The following PDE8B variants were observed in gnomAD, a reference collection of about 807,000 sequenced individuals.
PDE8B encodes high affinity cAMP-specific and IBMX-insensitive 3',5'-cyclic phosphodiesterase 8B.
PDE8B carries 26 observed loss-of-function variants against 101.3 expected under a neutral mutation model. The observed-to-expected ratio is 0.26, with a 90% confidence interval of 0.19 to 0.36. The LOEUF (loss-of-function observed/expected upper bound fraction) is 0.36. PDE8B is among the 10% of genes least tolerant of loss of function. The pLI is 1.00. For synonymous variants in PDE8B, 424 were observed against 429.3 expected, an observed-to-expected ratio of 0.99 and a Z score of 0.15; for missense variants, 810 against 1,163.1, an observed-to-expected ratio of 0.70 and a Z score of 4.42.
intron 1 of PDE8B, among the ~76,000 whole-genome samples, chr5:77,245,839 T>TCCACCCCCCC (rs1756766321): frequency 1.6e-4 from 1 of 6,078 alleles, no homozygotes; most frequent in African/African-American, 4.1e-4. Context: ...TATAACCTCC[T>TCCACCCCCCC]CCCCCCCCCG....
chr5:77,252,234 A>G (rs1423812391), intron 1 of PDE8B, among the ~76,000 whole-genome samples: 3 of 152,220 alleles, frequency 2.0e-5, no homozygotes, highest in Non-Finnish European at 2.9e-5. Context: ...CCTTTGGGGC[A>G]CAGATGAATC....
At chr5:77,139,230 G>A in the PDE8B span, 1 of 152,266 alleles carries the variant, frequency 6.6e-6, no homozygotes, top group Non-Finnish European at 1.5e-5. Context: ...CTGGACTGAG[G>A]CTCCTTCTCT....
At chr5:77,254,597 T>G (rs1758731964) in intron 1 of PDE8B, among the ~76,000 whole-genome samples, 1 of 152,216 alleles carries the variant, frequency 6.6e-6, no homozygotes, top group Non-Finnish European at 1.5e-5. Context: ...TTTTGTCTTT[T>G]TTTTTCATTT....
chr5:77,317,991 G>A (rs1774135243), intron 2 of PDE8B, among the ~76,000 whole-genome samples: 2 of 146,904 alleles, frequency 1.4e-5, no homozygotes, highest in South Asian at 4.4e-4. Context: ...GGGAGGTGGA[G>A]GTTGCAGTGA....
the PDE8B span, chr5:77,139,922 G>A: frequency 6.6e-6 from 1 of 151,940 alleles, no homozygotes; most frequent in African/African-American, 2.4e-5. Context: ...TACTTCTTGG[G>A]CATTACTTTT....
chr5:77,183,556 G>A, the PDE8B span, among the ~76,000 whole-genome samples: 2 of 152,176 alleles, frequency 1.3e-5, no homozygotes, highest in Non-Finnish European at 2.9e-5. Context: ...AGGAAGAAAA[G>A]GGGAGGGCAA....
chr5:77,241,999 G>T (rs1221184424), intron 1 of PDE8B, among the ~76,000 whole-genome samples: 1 of 152,134 alleles, frequency 6.6e-6, no homozygotes, highest in African/African-American at 2.4e-5. Context: ...TTCACGCAAG[G>T]TGTATGCCGA....
intron 12 of PDE8B, 103 bp downstream of exon 12, chr5:77,404,900 TCAA>T: frequency 1.4e-6 from 1 of 733,286 alleles, no homozygotes; most frequent in Non-Finnish European, 2.5e-6. Context: ...GAGTAAGAGT[TCAA>T]CAACACCGAC....
intron 1 of PDE8B, among the ~76,000 whole-genome samples, chr5:77,275,166 C>T (rs1366421683): frequency 6.6e-6 from 1 of 151,984 alleles, no homozygotes; most frequent in Non-Finnish European, 1.5e-5. Context: ...TGTGACCAGC[C>T]TGGACAAAAT....
At chr5:77,090,593 A>G in the PDE8B span, among the ~76,000 whole-genome samples, 1 of 152,072 alleles carries the variant, frequency 6.6e-6, no homozygotes, top group Non-Finnish European at 1.5e-5. Context: ...TTTTTTTTCT[A>G]TGAGTTTGAC....
Position 77,249,935 on chromosome 5 carries a change from A to G in PDE8B, c.339+38671A>G, listed in dbSNP as rs60115691. Among the ~76,000 whole-genome samples the G allele has an allele frequency of 2.5e-3, 381 of 152,374 alleles. 5 individuals carry two copies. The highest frequency in any genetic ancestry group is 8.5e-3 in the African/African-American group (352 of 41,590). On this transcript the variant is annotated intron_variant, in intron 1 of 21. Transcript: ENST00000264917. ...TTACAAGTCGATGCAAGCCTCGTAC[A>G]AGAAGATGTATGCAGAGGTTTCTTC...
At chr5:77,316,300 C>A (rs1406373694) in intron 2 of PDE8B, among the ~76,000 whole-genome samples, 2 of 152,170 alleles carry the variant, frequency 1.3e-5, no homozygotes, top group Non-Finnish European at 2.9e-5. Context: ...GTGGCACGAT[C>A]TCGGCTCACT....
intron 1 of PDE8B, among the ~76,000 whole-genome samples, chr5:77,267,856 T>A (rs933369624): frequency 6.6e-6 from 1 of 152,200 alleles, no homozygotes; most frequent in Non-Finnish European, 1.5e-5. Context: ...GTGAGGGCAG[T>A]GTCTTTAGTG....
chr5:77,287,382 T>C (rs1485858076), intron 1 of PDE8B, among the ~76,000 whole-genome samples: 1 of 152,132 alleles, frequency 6.6e-6, no homozygotes, highest in Non-Finnish European at 1.5e-5. Context: ...TAAACGTTTT[T>C]CACCTATATT....
At chr5:77,219,952 G>A (rs1229247850) in intron 1 of PDE8B, among the ~76,000 whole-genome samples, 3 of 152,238 alleles carry the variant, frequency 2.0e-5, no homozygotes, top group African/African-American at 7.2e-5. Context: ...CATCTGTCAT[G>A]TGCAGCCTCA....
At chr5:77,325,143 C>T (rs1775803270) in intron 2 of PDE8B, among the ~76,000 whole-genome samples, 1 of 141,176 alleles carries the variant, frequency 7.1e-6, no homozygotes, top group South Asian at 2.5e-4. Flanking sequence ...ATACCATAGG[C>T]CTGGTCTTTT....
chr5:77,422,063 C>A, intron 20 of PDE8B, 75 bp downstream of exon 20: 1 of 1,464,340 alleles, frequency 6.8e-7, no homozygotes, highest in Non-Finnish European at 9.4e-7. Context: ...CTGGGGGATT[C>A]TCCAGCTGAG....
intron 1 of PDE8B, among the ~76,000 whole-genome samples, chr5:77,224,610 A>G (rs1170329296): frequency 6.6e-6 from 1 of 152,380 alleles, no homozygotes; most frequent in Non-Finnish European, 1.5e-5. Flanking sequence ...AAATCCCTAA[A>G]TTAAAATAAT....
At chr5:77,142,943 A>T in the PDE8B span, among the ~76,000 whole-genome samples, 1 of 152,122 alleles carries the variant, frequency 6.6e-6, no homozygotes, top group African/African-American at 2.4e-5. Flanking sequence ...CATTAAGGAA[A>T]TGTGTGTTTG....
Sources: gnomAD v4.1 joint callset for allele counts (sites outside exome capture counted in the v4.1 genomes callset) on GRCh38, gnomAD v4.1.1 for gene constraint, MANE v1.5 for transcripts, NCBI Gene and HGNC (gene_info 2026-07-23, HGNC 2026-07-21) for gene names.